Variants in PRKN observed in about 807,000 individuals in gnomAD.
PRKN encodes E3 ubiquitin-protein ligase parkin.
In PRKN, 56 loss-of-function variants were observed where a neutral mutation model predicts 59.5. That is an observed-to-expected ratio of 0.94 (90% CI 0.76 to 1.18). PRKN has a LOEUF of 1.18. Among genes scored for constraint, PRKN ranks in the 50% most tolerant of loss-of-function variants. The pLI, the probability that PRKN is intolerant of heterozygous loss-of-function variation, is 0.00. For missense variants in PRKN, 657 were observed against 596.4 expected (o/e 1.10, Z -1.06); for synonymous variants, 250 against 222.1 (o/e 1.13, Z -1.12).
chr6:162,680,054 T>C (rs951299965), intron 1 of PRKN, among the ~76,000 whole-genome samples: 6 of 152,064 alleles, frequency 3.9e-5, no homozygotes, highest in Non-Finnish European at 7.4e-5. Context: ...CTATTTCCTT[T>C]CATTAAAATG....
chr6:162,012,337 A>C (rs926282888), intron 5 of PRKN, among the ~76,000 whole-genome samples: 3 of 152,062 alleles, frequency 2.0e-5, no homozygotes, highest in Non-Finnish European at 4.4e-5. Context: ...CTCTATGTAC[A>C]TTATATAGAG....
chr6:161,456,291 G>A lies in PRKN; in HGVS notation c.1084-69414C>T, dbSNP rs1276544991. On this transcript the variant is annotated intron_variant, in intron 9 of 11. Coordinates refer to ENST00000366898, the MANE Select transcript of PRKN (RefSeq NM_004562.3). This position sits in a 1 kb window ranked among gnomAD's most constrained non-coding sequence, Gnocchi z 4.8. ...AGGGTGTGGAAGGCCTAGACTGGCT[G>A]AGTCTTCCGGCTTTCAAATTTCTCT... Among the ~76,000 whole-genome samples the A allele has an allele frequency of 2.0e-5, 3 of 152,150 alleles. No individual in the cohort carries two copies. Among genetic ancestry groups the A allele is most frequent in the Non-Finnish European group, 4.4e-5 (3 of 68,020 alleles).
At chr6:162,125,549 T>A (rs1334937590) in intron 4 of PRKN, among the ~76,000 whole-genome samples, 1 of 152,166 alleles carries the variant, frequency 6.6e-6, no homozygotes, top group African/African-American at 2.4e-5. Context: ...TAGAACACGA[T>A]TACCCCTGTG....
rs754255610 is a variant in PRKN, at chr6:161,409,875, T to G, written c.1084-22998A>C. On this transcript the variant is annotated intron_variant, in intron 9 of 11. Coordinates refer to ENST00000366898, the MANE Select transcript of PRKN (RefSeq NM_004562.3). The surrounding 1 kb of genome is among the most constrained non-coding windows in gnomAD (Gnocchi z 4.6). ...TGTGATGTATCTATATAAATCTGAG[T>G]AGCAGATCCATTCTCATAAAGTTTA... 6.6e-6 allele frequency among the ~76,000 whole-genome samples: 1 copy of G among 152,152 alleles called. No individual in the cohort carries two copies. The highest frequency in any genetic ancestry group is 2.4e-5 in the African/African-American group (1 of 41,428).
intron 5 of PRKN, among the ~76,000 whole-genome samples, chr6:162,002,154 G>T (rs1429815698): frequency 2.6e-5 from 4 of 151,966 alleles, no homozygotes; most frequent in African/African-American, 9.7e-5. Flanking sequence ...GTTTGTAGTA[G>T]GGTAATGCTG....
chr6:162,176,470 G>A (rs989617214), intron 4 of PRKN, among the ~76,000 whole-genome samples: 1 of 152,132 alleles, frequency 6.6e-6, no homozygotes, highest in African/African-American at 2.4e-5. Flanking sequence ...ATATTGATAT[G>A]TTGGGAGAAA....
intron 1 of PRKN, among the ~76,000 whole-genome samples, chr6:162,580,060 A>AGT (rs1357575175): frequency 6.6e-6 from 1 of 152,206 alleles, no homozygotes; most frequent in Non-Finnish European, 1.5e-5. Context: ...ATAGATGTGA[A>AGT]GTGGGCTGAA....
At chr6:162,236,189 T>G (rs1298092762) in intron 3 of PRKN, among the ~76,000 whole-genome samples, 1 of 152,190 alleles carries the variant, frequency 6.6e-6, no homozygotes, top group African/African-American at 2.4e-5. Context: ...GAAGGGACAT[T>G]AATATCACTT....
intron 9 of PRKN, among the ~76,000 whole-genome samples, chr6:161,464,435 T>C (rs1001094832): frequency 3.3e-5 from 5 of 152,248 alleles, no homozygotes; most frequent in African/African-American, 1.2e-4. Context: ...AGAAACTTCA[T>C]CTATATATCA....
At chr6:162,104,581 A>G (rs1411015187) in intron 4 of PRKN, among the ~76,000 whole-genome samples, 3 of 151,754 alleles carry the variant, frequency 2.0e-5, no homozygotes, top group African/African-American at 7.3e-5. Context: ...GTGCAAGTGG[A>G]TTACCAGGAG....
At chr6:161,926,907 A>G (rs1196736452) in intron 6 of PRKN, among the ~76,000 whole-genome samples, 2 of 152,214 alleles carry the variant, frequency 1.3e-5, no homozygotes, top group Non-Finnish European at 2.9e-5. Context: ...AAATAAATTC[A>G]GCCTTTAGAG....
chr6:162,141,786 G>T lies in PRKN; in HGVS notation c.534+59345C>A, dbSNP rs141550169. Among the ~76,000 whole-genome samples the T allele has an allele frequency of 7.2e-5, 11 of 152,296 alleles. No individual in the cohort carries two copies. The East Asian group carries it at 2.1e-3, about 29-fold the overall frequency. ...TTATGTACATGGAGTTAACACACAC[G>T]AAGAGCAGGTATAAAGAAATAGCTG... On this transcript the variant is annotated intron_variant, in intron 4 of 11. Coordinates refer to ENST00000366898, the MANE Select transcript of PRKN (RefSeq NM_004562.3).
chr6:161,490,328 G>T (rs1486089515), intron 9 of PRKN, among the ~76,000 whole-genome samples: 1 of 92,590 alleles, frequency 1.1e-5, no homozygotes, highest in Non-Finnish European at 2.7e-5. Context: ...TTGCTTGCTT[G>T]CTTGCTTGCT....
At position 161,517,815 on chromosome 6, in the gene PRKN, C is replaced by T. The variant is rs74188123; in HGVS notation, c.1083+31039G>A. On this transcript the variant is annotated intron_variant, in intron 9 of 11. Coordinates refer to ENST00000366898, the MANE Select transcript of PRKN (RefSeq NM_004562.3). ...CCTACCTGTGATAAGTAGAGCTATA[C>T]GCATACACTGTAGCAAAGTCAATTT... Among the ~76,000 whole-genome samples, 80 of 146,768 alleles carry T rather than the reference C, an allele frequency of 5.5e-4. No homozygotes were observed. In the East Asian group the frequency reaches 0.011, roughly 20 times the overall value.
At position 161,401,887 on chromosome 6, in the gene PRKN, T is replaced by C. The variant is rs1346109349; in HGVS notation, c.1084-15010A>G. Among the ~76,000 whole-genome samples the C allele has an allele frequency of 6.6e-6, 1 of 152,178 alleles. No individual in the cohort carries two copies. Among genetic ancestry groups the C allele is most frequent in the East Asian group, 1.9e-4 (1 of 5,196 alleles). On this transcript the variant is annotated intron_variant, in intron 9 of 11. Transcript: ENST00000366898. The surrounding 1 kb of genome is among the most constrained non-coding windows in gnomAD (Gnocchi z 4.4). ...AGAGAGAAGATGAGAGATCCAGAGG[T>C]CTGAGATGTTTGTTCACACACCAAT...
rs1401312451 is a variant in PRKN at position 161,368,382 on chromosome 6, G to GAGATATATATAT, written c.1168-8178_1168-8177insATATATATATCT. Among the ~76,000 whole-genome samples, 39 of 99,296 alleles carry GAGATATATATAT rather than the reference G, an allele frequency of 3.9e-4. 1 individual carries two copies. The highest frequency in any genetic ancestry group is 1.4e-3 in the African/African-American group (36 of 25,102). The allele number at this position is 99,296 out of a possible 152,430, so 65.1% of individuals were successfully genotyped here. On this transcript the variant is annotated intron_variant, in intron 10 of 11. Transcript: ENST00000366898. ...GTATATATATAGCAACCTCAGTCTT[G>GAGATATATATAT]ATATATATATATATATATATATATA...
At chr6:161,489,309 C>T (rs1486139096) in intron 9 of PRKN, among the ~76,000 whole-genome samples, 1 of 151,920 alleles carries the variant, frequency 6.6e-6, no homozygotes, top group Non-Finnish European at 1.5e-5. Flanking sequence ...CCTGCAACCC[C>T]AGCACTTTGG....
intron 4 of PRKN, among the ~76,000 whole-genome samples, chr6:162,170,721 G>A (rs1783231755): frequency 1.3e-5 from 2 of 152,116 alleles, no homozygotes; most frequent in South Asian, 2.1e-4. Context: ...TGGAAACAAC[G>A]TTAGTGACAG....
At chr6:162,663,676 G>T (rs1206228879) in intron 1 of PRKN, among the ~76,000 whole-genome samples, 2 of 152,102 alleles carry the variant, frequency 1.3e-5, no homozygotes, top group Non-Finnish European at 2.9e-5. Flanking sequence ...CAACAAGTTA[G>T]ATTGGGGATT....
Sources: gnomAD v4.1 joint callset for allele counts (sites outside exome capture counted in the v4.1 genomes callset) on GRCh38, gnomAD v4.1.1 for gene constraint, Gnocchi (gnomAD v3.1) non-coding constraint, MANE v1.5 for transcripts, NCBI Gene and HGNC (gene_info 2026-07-23, HGNC 2026-07-21) for gene names.